TSPAN7: variants seen among roughly 807,000 people sequenced by gnomAD.
The protein encoded by TSPAN7 is tetraspanin 7.
TSPAN7 carries 1 observed loss-of-function variant against 17.6 expected under a neutral mutation model. The ratio of observed to expected loss-of-function variants is 0.06; its 90% CI spans 0.02 to 0.27. The LOEUF (loss-of-function observed/expected upper bound fraction) is 0.27. Among genes scored for constraint, TSPAN7 ranks in the 10% least tolerant of loss-of-function variants. TSPAN7 has a pLI of 1.00. For synonymous variants in TSPAN7, 78 were observed against 79.0 expected (o/e 0.99, Z 0.07); for missense variants, 112 against 201.7 (o/e 0.56, Z 2.69).
chrX:38,643,210 A>C (rs756715805), intron 1 of TSPAN7, among the ~76,000 whole-genome samples: 6 of 110,487 alleles, frequency 5.4e-5, no homozygotes, highest in Non-Finnish European at 9.4e-5. Context: ...GCTATAAAGG[A>C]TGGGTAGAAC....
intron 1 of TSPAN7, among the ~76,000 whole-genome samples, chrX:38,606,077 A>C (rs1001098386): frequency 1.5e-3 from 164 of 109,200 alleles, no homozygotes; most frequent in Non-Finnish European, 1.6e-3. Context: ...TAATTAAACT[A>C]AAGAGCTTCT....
At chrX:38,643,592 T>C (rs1223771368) in intron 1 of TSPAN7, among the ~76,000 whole-genome samples, 1 of 106,687 alleles carries the variant, frequency 9.4e-6, no homozygotes, top group Non-Finnish European at 1.9e-5. Context: ...ATCCCAGCAC[T>C]TTGGGAGGCT....
intron 1 of TSPAN7, among the ~76,000 whole-genome samples, chrX:38,650,530 C>T (rs1265512563): frequency 1.8e-5 from 2 of 111,675 alleles, no homozygotes; most frequent in African/African-American, 6.5e-5. Context: ...GAAAGCATGT[C>T]CTTGGCCATA....
Position 38,608,431 on chromosome X carries a change from G to A in TSPAN7, c.81+46804G>A, listed in dbSNP as rs145011900. ...TGGGTAGCCCTCACTTCAGAAGACA[G>A]TATTTGGTTTTAAAATGTTCAGTTC... is the stretch of plus-strand genomic sequence containing the variant. On this transcript the variant is annotated intron_variant, in intron 1 of 7. Transcript: ENST00000378482. Among the ~76,000 whole-genome samples the A allele has an allele frequency of 9.9e-5, 11 of 110,658 alleles. No individual in the cohort carries two copies. In the East Asian group the frequency reaches 3.1e-3, roughly 32 times the overall value.
chrX:38,658,056 G>C (rs1242565109), intron 1 of TSPAN7, among the ~76,000 whole-genome samples: 1 of 109,097 alleles, frequency 9.2e-6, no homozygotes, highest in Non-Finnish European at 1.9e-5. Context: ...ATTGGATCTA[G>C]GATGTAATAA....
At chrX:38,684,319 C>T (rs1011606406) in intron 6 of TSPAN7, among the ~76,000 whole-genome samples, 2 of 111,179 alleles carry the variant, frequency 1.8e-5, no homozygotes, top group African/African-American at 3.3e-5. Context: ...TCTCTACAAA[C>T]GTCCATTACC....
intron 1 of TSPAN7, among the ~76,000 whole-genome samples, chrX:38,652,628 A>T (rs185738971): frequency 2.7e-4 from 30 of 112,757 alleles, no homozygotes; most frequent in African/African-American, 8.4e-4. Flanking sequence ...AGTTTCAAAC[A>T]AGTAATGTAT....
At chrX:38,582,801 C>G (rs2069234391) in intron 1 of TSPAN7, among the ~76,000 whole-genome samples, 1 of 112,186 alleles carries the variant, frequency 8.9e-6, no homozygotes, top group Non-Finnish European at 1.9e-5. Context: ...TCTCTCACTC[C>G]TGCCTCTCAC....
At chrX:38,648,776 C>G (rs2069659636) in intron 1 of TSPAN7, among the ~76,000 whole-genome samples, 1 of 110,361 alleles carries the variant, frequency 9.1e-6, no homozygotes, top group Non-Finnish European at 1.9e-5. Flanking sequence ...TAACTTTAGC[C>G]AGGCATGGTG....
At chrX:38,654,690 C>T (rs746284996) in intron 1 of TSPAN7, among the ~76,000 whole-genome samples, 2 of 103,678 alleles carry the variant, frequency 1.9e-5, no homozygotes, top group Non-Finnish European at 3.9e-5. Flanking sequence ...TCCTGTGAGC[C>T]GGCATTTGTA....
At chrX:38,569,393 TTA>T (rs2069158412) in intron 1 of TSPAN7, among the ~76,000 whole-genome samples, 1 of 108,552 alleles carries the variant, frequency 9.2e-6, no homozygotes, top group Non-Finnish European at 1.9e-5. Context: ...TCCACTGTGC[TTA>T]TATTCCCCAG....
At chrX:38,602,782 T>A (rs907841450) in intron 1 of TSPAN7, among the ~76,000 whole-genome samples, 6 of 111,583 alleles carry the variant, frequency 5.4e-5, no homozygotes, top group Non-Finnish European at 1.1e-4. Context: ...TTCAATGCAG[T>A]GAGAGCACAG....
At chrX:38,569,866 T>C (rs959261801) in intron 1 of TSPAN7, among the ~76,000 whole-genome samples, 2 of 112,013 alleles carry the variant, frequency 1.8e-5, no homozygotes, top group African/African-American at 6.5e-5. Flanking sequence ...ACTAATTAAA[T>C]ACCCAGTTGA....
intron 1 of TSPAN7, among the ~76,000 whole-genome samples, chrX:38,585,430 A>G (rs1370532025): frequency 9.0e-6 from 1 of 111,515 alleles, no homozygotes; most frequent in Non-Finnish European, 1.9e-5. Context: ...TCATTTTCCC[A>G]TAAGAGGCAT....
chrX:38,578,662 TCTC>T (rs1324289729), intron 1 of TSPAN7, among the ~76,000 whole-genome samples: 2 of 110,870 alleles, frequency 1.8e-5, no homozygotes, highest in South Asian at 3.9e-4. Context: ...AAGGTACACT[TCTC>T]CACATCACTG....
intron 1 of TSPAN7, among the ~76,000 whole-genome samples, chrX:38,662,241 TC>T (rs1425160962): frequency 1.8e-5 from 2 of 111,919 alleles, no homozygotes; most frequent in Non-Finnish European, 3.8e-5. Context: ...TTTAATCTTT[TC>T]TTCTTTGTCT....
At chrX:38,592,149 C>T (rs2069296264) in intron 1 of TSPAN7, among the ~76,000 whole-genome samples, 1 of 111,510 alleles carries the variant, frequency 9.0e-6, no homozygotes, top group Non-Finnish European at 1.9e-5. Context: ...GGGAAATCCG[C>T]CTTATGATCC....
intron 1 of TSPAN7, among the ~76,000 whole-genome samples, chrX:38,562,243 C>T (rs1417469296): frequency 8.9e-6 from 1 of 111,792 alleles, no homozygotes; most frequent in Non-Finnish European, 1.9e-5. Flanking sequence ...GAGGGTCTTA[C>T]ATAAGCCGGG....
chrX:38,603,406 GTATA>G (rs759542137), intron 1 of TSPAN7, among the ~76,000 whole-genome samples: 1 of 112,011 alleles, frequency 8.9e-6, no homozygotes, highest in African/African-American at 3.2e-5. Context: ...TCACTCCTAA[GTATA>G]TACCCAATAG....
Sources: allele counts gnomAD v4.1 joint callset (sites outside exome capture counted in the v4.1 genomes callset), GRCh38; gene constraint gnomAD v4.1.1; transcripts MANE v1.5; gene names NCBI Gene and HGNC (gene_info 2026-07-23, HGNC 2026-07-21).